The following ZNF804A variants were observed in gnomAD, a reference collection of about 807,000 sequenced individuals.
The protein encoded by ZNF804A is zinc finger protein 804A.
A neutral mutation model predicts 16.5 loss-of-function variants in ZNF804A; 2 were observed. That is an observed-to-expected ratio of 0.12 (90% CI 0.05 to 0.38). The LOEUF is 0.38. Ranked by LOEUF, ZNF804A falls within the 10% of genes least tolerant of loss-of-function variation. The probability of loss-of-function intolerance (pLI) is 0.99; values close to 1 mark genes in which losing one functional copy is unlikely to be tolerated. For missense variants in ZNF804A, 1,473 were observed against 1,390.7 expected (o/e 1.06, Z -0.94); for synonymous variants, 534 against 489.6 (o/e 1.09, Z -1.20).
chr2:184,912,940 T>A (rs960770883), intron 2 of ZNF804A, among the ~76,000 whole-genome samples: 1 of 152,118 alleles, frequency 6.6e-6, no homozygotes, highest in Non-Finnish European at 1.5e-5. Flanking sequence ...TTTAATGAAG[T>A]CCCATTAATA....
intron 1 of ZNF804A, among the ~76,000 whole-genome samples, chr2:184,749,364 T>C (rs543608101): frequency 6.6e-6 from 1 of 151,554 alleles, no homozygotes; most frequent in South Asian, 2.1e-4. Flanking sequence ...TGTTCTTGAT[T>C]TGGCCTTCAG....
chr2:184,807,630 T>C (rs1285559098), intron 1 of ZNF804A, among the ~76,000 whole-genome samples: 1 of 151,786 alleles, frequency 6.6e-6, no homozygotes, highest in African/African-American at 2.4e-5. Flanking sequence ...GAAAGCAAAT[T>C]TGACCTTGAA....
At chr2:184,703,560 G>A (rs1005527734) in intron 1 of ZNF804A, among the ~76,000 whole-genome samples, 19 of 151,604 alleles carry the variant, frequency 1.3e-4, no homozygotes, top group Admixed American at 1.1e-3. Context: ...CGTGGTGGCG[G>A]GCGCCTGTAG....
At chr2:184,646,492 C>T (rs1451407663) in intron 1 of ZNF804A, among the ~76,000 whole-genome samples, 1 of 152,150 alleles carries the variant, frequency 6.6e-6, no homozygotes, top group African/African-American at 2.4e-5. Flanking sequence ...GGATCAGCAA[C>T]CTGACCTGCC....
rs137994180 is a variant in ZNF804A at position 184,924,707 on chromosome 2, G to C, written c.256-8896G>C. Among the ~76,000 whole-genome samples, 14 of 151,280 alleles carry C rather than the reference G, an allele frequency of 9.3e-5. No homozygotes were observed. The East Asian group carries it at 2.5e-3, about 27-fold the overall frequency. Reference sequence around the variant, plus strand: ...TAAACTTTCCTCTTAGTAGTGCTTTGGTTGTATCCCATAGATTTTTGTATG... The same window carrying C: ...TAAACTTTCCTCTTAGTAGTGCTTTCGTTGTATCCCATAGATTTTTGTATG... On this transcript the variant is annotated intron_variant, in intron 2 of 3. Transcript: ENST00000302277.
At chr2:184,787,663 A>G (rs190839157) in intron 1 of ZNF804A, among the ~76,000 whole-genome samples, 8 of 151,764 alleles carry the variant, frequency 5.3e-5, no homozygotes, top group African/African-American at 1.9e-4. Flanking sequence ...CTTTTGAGAG[A>G]TATCTGTTCA....
intron 1 of ZNF804A, among the ~76,000 whole-genome samples, chr2:184,677,336 C>T (rs1350763200): frequency 6.6e-6 from 1 of 151,902 alleles, no homozygotes; most frequent in African/African-American, 2.4e-5. Flanking sequence ...AAAGAGAGAT[C>T]ATTTCCTCCT....
intron 2 of ZNF804A, among the ~76,000 whole-genome samples, chr2:184,913,712 C>A (rs1475207006): frequency 6.6e-6 from 1 of 152,056 alleles, no homozygotes. Flanking sequence ...GTTTTTGATT[C>A]TTTGTTTCAG....
chr2:184,914,753 C>T (rs375268877), intron 2 of ZNF804A, among the ~76,000 whole-genome samples: 2 of 151,852 alleles, frequency 1.3e-5, no homozygotes, highest in East Asian at 1.9e-4. Context: ...TATATTTACA[C>T]GTATATAGCA....
At chr2:184,692,616 G>T (rs1038198) in intron 1 of ZNF804A, among the ~76,000 whole-genome samples, 47,437 of 152,072 alleles carry the variant, frequency 0.31, 9,731 homozygotes, top group African/African-American at 0.58. Flanking sequence ...AAACCCTGAG[G>T]TTTTACAGCT....
chr2:184,749,672 G>A (rs1462542069), intron 1 of ZNF804A, among the ~76,000 whole-genome samples: 3 of 151,248 alleles, frequency 2.0e-5, no homozygotes, highest in Admixed American at 6.6e-5. Flanking sequence ...CAATTGTAAT[G>A]ATTCATTATT....
intron 1 of ZNF804A, among the ~76,000 whole-genome samples, chr2:184,842,186 C>G (rs916680027): frequency 2.0e-5 from 3 of 152,122 alleles, no homozygotes; most frequent in African/African-American, 4.8e-5. Context: ...AATGGGATTT[C>G]CCTGCTGTGC....
At chr2:184,665,703 C>T (rs1432287135) in intron 1 of ZNF804A, among the ~76,000 whole-genome samples, 1 of 152,156 alleles carries the variant, frequency 6.6e-6, no homozygotes, top group Non-Finnish European at 1.5e-5. Flanking sequence ...TGGCTGAATG[C>T]AGTTCCTTGA....
rs928084629 is a variant in ZNF804A at position 184,922,220 on chromosome 2, A to G, written c.256-11383A>G. Among the ~76,000 whole-genome samples the G allele has an allele frequency of 2.6e-4, 39 of 152,092 alleles. 2 individuals are homozygous for G. Among genetic ancestry groups the G allele is most frequent in the Non-Finnish European group, 8.8e-5 (6 of 67,984 alleles). On this transcript the variant is annotated intron_variant, in intron 2 of 3. Transcript: ENST00000302277. ...TGTACAAATTTGCATTCTTCCTAAC[A>G]GTGTACAAGGGTTCCTTTTCCTCCA...
intron 1 of ZNF804A, among the ~76,000 whole-genome samples, chr2:184,850,674 C>G (rs1695588143): frequency 6.6e-6 from 1 of 150,974 alleles, no homozygotes; most frequent in African/African-American, 2.4e-5. Flanking sequence ...ATGATAAAAG[C>G]AAAGATGCTT....
At chr2:184,734,130 A>G (rs1165195573) in intron 1 of ZNF804A, among the ~76,000 whole-genome samples, 1 of 152,078 alleles carries the variant, frequency 6.6e-6, no homozygotes, top group East Asian at 1.9e-4. Flanking sequence ...GCTGGAGTGC[A>G]GTGGTCTGGT....
intron 1 of ZNF804A, among the ~76,000 whole-genome samples, chr2:184,710,006 A>C (rs1168174113): frequency 6.6e-6 from 1 of 151,204 alleles, no homozygotes; most frequent in African/African-American, 2.4e-5. Context: ...TGGGCTTCAC[A>C]CCAGGAGTTC....
intron 1 of ZNF804A, among the ~76,000 whole-genome samples, chr2:184,620,846 T>G (rs1468721052): frequency 2.0e-5 from 3 of 151,768 alleles, no homozygotes. Flanking sequence ...ATCCTATCGA[T>G]ATTTTTATAA....
At chr2:184,878,743 T>G (rs901667054) in intron 2 of ZNF804A, among the ~76,000 whole-genome samples, 2 of 152,100 alleles carry the variant, frequency 1.3e-5, no homozygotes, top group African/African-American at 4.8e-5. Flanking sequence ...TTTTCACATT[T>G]GTGATGTATA....
Sources: gnomAD v4.1 joint callset for allele counts (sites outside exome capture counted in the v4.1 genomes callset) on GRCh38, gnomAD v4.1.1 for gene constraint, MANE v1.5 for transcripts, NCBI Gene and HGNC (gene_info 2026-07-23, HGNC 2026-07-21) for gene names.